FNDC3A: variants seen among roughly 807,000 people sequenced by gnomAD.
The protein encoded by FNDC3A is fibronectin type-III domain-containing protein 3A.
Under a neutral mutation model 148.9 loss-of-function variants are expected in FNDC3A, and 32 were observed. That is an observed-to-expected ratio of 0.21 (90% CI 0.16 to 0.29). The LOEUF (loss-of-function observed/expected upper bound fraction) is 0.29, where lower values mean the gene tolerates loss of function less well. Among genes scored for constraint, FNDC3A ranks in the 10% least tolerant of loss-of-function variants. The probability of loss-of-function intolerance (pLI) is 1.00; values close to 1 mark genes in which losing one functional copy is unlikely to be tolerated. For synonymous variants in FNDC3A, 472 were observed against 473.6 expected, an observed-to-expected ratio of 1.00 and a Z score of 0.04; for missense variants, 1,191 against 1,452.8, an observed-to-expected ratio of 0.82 and a Z score of 2.93.
chr13:49,082,601 C>G (rs1034499537), intron 3 of FNDC3A, among the ~76,000 whole-genome samples: 2 of 151,990 alleles, frequency 1.3e-5, no homozygotes, highest in Non-Finnish European at 2.9e-5. Context: ...TCCTGAAGCT[C>G]TTAGGTGAGG....
intron 3 of FNDC3A, among the ~76,000 whole-genome samples, chr13:49,088,807 C>T (rs892321843): frequency 5.3e-5 from 8 of 152,096 alleles, no homozygotes; most frequent in African/African-American, 1.9e-4. Flanking sequence ...TCAAGTGATT[C>T]TCCTGCCTTG....
chr13:48,981,818 C>T (rs904780261), intron 1 of FNDC3A, among the ~76,000 whole-genome samples: 2 of 66,234 alleles, frequency 3.0e-5, no homozygotes, highest in African/African-American at 1.2e-4. Context: ...TAATCAGCCT[C>T]TATCAGAAAT....
intron 4 of FNDC3A, 39 bp from the exon 5 acceptor site, chr13:49,131,098 T>C (rs1882001469): frequency 6.8e-7 from 1 of 1,480,078 alleles, no homozygotes; most frequent in Admixed American, 1.7e-5. Flanking sequence ...ATTGTTTATA[T>C]TCTATGGAAG....
chr13:49,198,036 C>G lies in FNDC3A; in HGVS notation c.2545C>G (p.Pro849Ala). Residue 849 changes from proline to alanine, a missense_variant, in exon 22 of 26, where the codon CCA (proline) becomes GCA (alanine). Around this residue, in one of 3 missense-constraint regions of FNDC3A, gnomAD observed 751 missense variants for 944.0 expected, o/e 0.80. Coordinates refer to ENST00000492622, the MANE Select transcript of FNDC3A (RefSeq NM_001079673.2). ...CAGTGAAGTAGTAGCCTGTGTGACT[C>G]CACCATCAGTTCCTGGCATTGTGAC... is the stretch of plus-strand genomic sequence containing the variant. ...PFSEVVACVTPPSVPGIVTCL... is the reference protein window; with the variant it reads ...PFSEVVACVTAPSVPGIVTCL... The G allele has an allele frequency of 6.2e-7, 1 of 1,614,098 alleles. No individual in the cohort carries two copies. Among genetic ancestry groups the G allele is most frequent in the Non-Finnish European group, 8.5e-7 (1 of 1,179,998 alleles).
chr13:49,172,005 T>G, intron 10 of FNDC3A, 38 bp from the exon 11 acceptor site: 1 of 1,431,498 alleles, frequency 7.0e-7, no homozygotes, highest in Non-Finnish European at 9.8e-7. Flanking sequence ...ATGAATGTAC[T>G]AATTTGTTTT....
At chr13:49,178,941 G>A (rs568978891) in intron 14 of FNDC3A, among the ~76,000 whole-genome samples, 2 of 152,172 alleles carry the variant, frequency 1.3e-5, no homozygotes, top group African/African-American at 4.8e-5. Flanking sequence ...TGCCCAGGCT[G>A]ATCTCACACT....
intron 14 of FNDC3A, among the ~76,000 whole-genome samples, chr13:49,184,471 A>G (rs1046417269): frequency 2.6e-5 from 4 of 152,180 alleles, no homozygotes; most frequent in African/African-American, 9.7e-5. Context: ...GGTAAAGTTA[A>G]CCAGATATAG....
chr13:48,978,784 G>T lies in FNDC3A; in HGVS notation c.-40+2607G>T, dbSNP rs373766423. ...TTCCATTGAGCCTTTTACTGCTTCA[G>T]TTTATCACATTGCAAAACAAGAAAT... On this transcript the variant is annotated intron_variant, in intron 1 of 25. Transcript: ENST00000492622. Among the ~76,000 whole-genome samples, 145 of 152,182 alleles carry T rather than the reference G, an allele frequency of 9.5e-4. 1 individual carries two copies. Among genetic ancestry groups the T allele is most frequent in the African/African-American group, 3.3e-3 (139 of 41,538 alleles).
At chr13:49,042,238 A>G (rs1874994235) in intron 2 of FNDC3A, among the ~76,000 whole-genome samples, 1 of 152,182 alleles carries the variant, frequency 6.6e-6, no homozygotes, top group African/African-American at 2.4e-5. Context: ...AGATTTGAGT[A>G]TGTCCTTGGG....
chr13:49,136,196 T>C (rs1343895234), intron 5 of FNDC3A, 136 bp from the exon 6 acceptor site: 1 of 664,808 alleles, frequency 1.5e-6, no homozygotes, highest in East Asian at 2.8e-5. Context: ...ACACAAAGGT[T>C]GCTTTGTTAT....
intron 23 of FNDC3A, 85 bp downstream of exon 23, chr13:49,198,659 T>TCA: frequency 2.7e-6 from 3 of 1,124,340 alleles, no homozygotes; most frequent in Non-Finnish European, 3.9e-6. Context: ...AGGCCAGGTG[T>TCA]GGTGGCTGAC....
At chr13:49,045,791 T>A in intron 2 of FNDC3A, 1 of 1,712 alleles carries the variant, frequency 5.8e-4, no homozygotes, top group Admixed American at 9.6e-3. Context: ...ATGACAGTCC[T>A]TTTTTTTTTT....
intron 23 of FNDC3A, among the ~76,000 whole-genome samples, chr13:49,199,605 C>T (rs1021677376): frequency 1.8e-4 from 27 of 152,152 alleles, no homozygotes; most frequent in African/African-American, 5.8e-4. Context: ...GGATTACAGG[C>T]GTGAGCCACT....
At chr13:49,178,797 A>G (rs1463893461) in intron 14 of FNDC3A, 143 bp downstream of exon 14, 7 of 525,582 alleles carry the variant, frequency 1.3e-5, no homozygotes, top group Admixed American at 8.4e-5. Context: ...CAGTGGCACA[A>G]TCATGGCTCA....
At chr13:49,019,919 A>G (rs1873190959) in intron 2 of FNDC3A, among the ~76,000 whole-genome samples, 1 of 152,228 alleles carries the variant, frequency 6.6e-6, no homozygotes, top group South Asian at 2.1e-4. Context: ...CATTTGGTAT[A>G]ACTTGTTCAG....
intron 3 of FNDC3A, among the ~76,000 whole-genome samples, chr13:49,077,576 A>G (rs1388823283): frequency 6.6e-6 from 1 of 152,322 alleles, no homozygotes; most frequent in East Asian, 1.9e-4. Flanking sequence ...ATTTCTCTCT[A>G]AGTTGAACAC....
chr13:49,045,265 T>C (rs1875302013), intron 2 of FNDC3A, among the ~76,000 whole-genome samples: 1 of 152,142 alleles, frequency 6.6e-6, no homozygotes, highest in Admixed American at 6.5e-5. Flanking sequence ...GCAATTCTTC[T>C]GCCTCAGTCT....
chr13:49,122,330 G>A (rs1273091288), intron 4 of FNDC3A, among the ~76,000 whole-genome samples: 1 of 152,012 alleles, frequency 6.6e-6, no homozygotes, highest in Non-Finnish European at 1.5e-5. Context: ...AATAAACTAG[G>A]TATTGATGGA....
At chr13:49,097,926 A>T (rs191660619) in intron 3 of FNDC3A, among the ~76,000 whole-genome samples, 7 of 152,106 alleles carry the variant, frequency 4.6e-5, no homozygotes, top group Admixed American at 6.6e-5. Flanking sequence ...TAGTGCTCCA[A>T]ATCTGAATCA....
Sources: allele counts gnomAD v4.1 joint callset (sites outside exome capture counted in the v4.1 genomes callset), GRCh38; gene constraint gnomAD v4.1.1; regional missense constraint gnomAD v4.1.1; transcripts MANE v1.5; gene names NCBI Gene and HGNC (gene_info 2026-07-23, HGNC 2026-07-21).